Variants in GABRG3 observed in about 807,000 individuals in gnomAD.
The protein encoded by GABRG3 is gamma-aminobutyric acid receptor subunit gamma-3.
GABRG3 carries 25 observed loss-of-function variants against 48.8 expected under a neutral mutation model. That is an observed-to-expected ratio of 0.51 (90% CI 0.37 to 0.72). The LOEUF is 0.72. Ranked by LOEUF, GABRG3 falls within the 30% of genes least tolerant of loss-of-function variation. GABRG3 has a pLI of 0.00. For synonymous variants in GABRG3, 227 were observed against 217.6 expected, an observed-to-expected ratio of 1.04 and a Z score of -0.38; for missense variants, 394 against 577.9, an observed-to-expected ratio of 0.68 and a Z score of 3.26.
intron 2 of GABRG3, among the ~76,000 whole-genome samples, chr15:26,984,071 G>C (rs1895106271): frequency 6.6e-6 from 1 of 152,106 alleles, no homozygotes; most frequent in African/African-American, 2.4e-5. Context: ...CACTGTGGTG[G>C]TGAGTTTCTT....
intron 6 of GABRG3, among the ~76,000 whole-genome samples, chr15:27,494,917 A>G (rs535713369): frequency 6.6e-6 from 1 of 151,964 alleles, no homozygotes; most frequent in East Asian, 1.9e-4. Flanking sequence ...TAAAAGTGGG[A>G]GTTTAGATTA....
intron 3 of GABRG3, among the ~76,000 whole-genome samples, chr15:27,177,594 A>G (rs137883151): frequency 6.6e-6 from 1 of 152,206 alleles, no homozygotes; most frequent in Non-Finnish European, 1.5e-5. Flanking sequence ...AGTTTGGCCT[A>G]TGCTCAGGAA....
intron 3 of GABRG3, among the ~76,000 whole-genome samples, chr15:27,181,992 AATAATATT>A (rs1257269931): frequency 2.7e-5 from 4 of 148,956 alleles, no homozygotes; most frequent in African/African-American, 9.8e-5. Flanking sequence ...TATATAATAT[AATAATATT>A]ATAATAATAT....
chr15:27,070,350 A>C (rs1896807454), intron 3 of GABRG3, among the ~76,000 whole-genome samples: 1 of 152,216 alleles, frequency 6.6e-6, no homozygotes, highest in Non-Finnish European at 1.5e-5. Context: ...ACCATATGCC[A>C]AGTTGAAAAT....
chr15:27,300,362 C>T (rs901512012), intron 3 of GABRG3, among the ~76,000 whole-genome samples: 12 of 151,928 alleles, frequency 7.9e-5, no homozygotes, highest in African/African-American at 2.2e-4. Context: ...AATGAAGGCA[C>T]GTATTTTTAA....
At chr15:27,257,136 G>A (rs1890644774) in intron 3 of GABRG3, among the ~76,000 whole-genome samples, 1 of 151,810 alleles carries the variant, frequency 6.6e-6, no homozygotes, top group South Asian at 2.1e-4. Flanking sequence ...CCTCGTTGTG[G>A]TTTTAATTTG....
chr15:27,493,530 AAT>A (rs970372448), intron 6 of GABRG3, among the ~76,000 whole-genome samples: 10 of 152,178 alleles, frequency 6.6e-5, no homozygotes, highest in Admixed American at 5.9e-4. Flanking sequence ...TAAAAAAAGA[AAT>A]AGAGGAATTA....
At chr15:27,379,153 C>A (rs903104588) in intron 5 of GABRG3, among the ~76,000 whole-genome samples, 1 of 152,174 alleles carries the variant, frequency 6.6e-6, no homozygotes, top group African/African-American at 2.4e-5. Flanking sequence ...CTTTTCTTTT[C>A]TGCCTTTTCT....
rs1002267596 is a variant in GABRG3, at chr15:27,236,524, G to T, written c.271-90285G>T. On this transcript the variant is annotated intron_variant, in intron 3 of 9. Coordinates refer to ENST00000615808, the MANE Select transcript of GABRG3 (RefSeq NM_033223.5). The surrounding 1 kb of genome is among the most constrained non-coding windows in gnomAD (Gnocchi z 4.4). The stretch of plus-strand genomic sequence containing the variant: ...AGCAGAAACCAGCTCTGGAAAACAA[G>T]AAATGAACAACTTATCCCTTTATCG... Among the ~76,000 whole-genome samples the T allele has an allele frequency of 2.0e-5, 3 of 152,186 alleles. No homozygotes were observed. The highest frequency in any genetic ancestry group is 4.4e-5 in the Non-Finnish European group (3 of 68,036).
At chr15:27,504,931 T>G (rs1595797999) in intron 6 of GABRG3, among the ~76,000 whole-genome samples, 1 of 152,340 alleles carries the variant, frequency 6.6e-6, no homozygotes, top group East Asian at 1.9e-4. Flanking sequence ...TCACTTTCCC[T>G]TCATGTTAAT....
At chr15:27,092,382 T>C (rs1897202180) in intron 3 of GABRG3, among the ~76,000 whole-genome samples, 2 of 152,200 alleles carry the variant, frequency 1.3e-5, no homozygotes, top group East Asian at 1.9e-4. Context: ...TTCTCTGTTA[T>C]CCTATTTTTA....
chr15:27,046,089 T>C (rs1896358604), intron 3 of GABRG3, among the ~76,000 whole-genome samples: 1 of 152,064 alleles, frequency 6.6e-6, no homozygotes, highest in Non-Finnish European at 1.5e-5. Context: ...TTCTTTTTCT[T>C]TTTTTTCTTT....
intron 3 of GABRG3, among the ~76,000 whole-genome samples, chr15:27,166,465 C>T (rs1887375168): frequency 6.6e-6 from 1 of 151,914 alleles, no homozygotes; most frequent in African/African-American, 2.4e-5. Flanking sequence ...CTGTCTTCTT[C>T]TTCCAAGCTT....
chr15:27,070,819 T>C (rs1264735090), intron 3 of GABRG3, among the ~76,000 whole-genome samples: 1 of 152,174 alleles, frequency 6.6e-6, no homozygotes, highest in Non-Finnish European at 1.5e-5. Flanking sequence ...GATGGTCACA[T>C]CTTATTCTGA....
intron 7 of GABRG3, among the ~76,000 whole-genome samples, chr15:27,524,527 A>G (rs1254283533): frequency 1.3e-5 from 2 of 152,172 alleles, no homozygotes; most frequent in Admixed American, 1.3e-4. Context: ...GCAAAAAATC[A>G]TAATGCTACT....
chr15:27,344,411 G>A (rs1315015789), intron 5 of GABRG3, among the ~76,000 whole-genome samples: 1 of 152,166 alleles, frequency 6.6e-6, no homozygotes, highest in Admixed American at 6.5e-5. Flanking sequence ...TTAGTGTGCA[G>A]GCAAGCTCAT....
At position 27,388,869 on chromosome 15, in the gene GABRG3, G is replaced by C. The variant is rs148207941; in HGVS notation, c.574+59981G>C. Among the ~76,000 whole-genome samples the C allele has an allele frequency of 2.8e-3, 422 of 152,156 alleles. 4 individuals carry two copies. The highest frequency in any genetic ancestry group is 0.02 in the Admixed American group (305 of 15,296). On this transcript the variant is annotated intron_variant, in intron 5 of 9. Coordinates refer to ENST00000615808, the MANE Select transcript of GABRG3 (RefSeq NM_033223.5). ...TAAGAAATGAAGGTGGAGAGAGGAA[G>C]AGAGAGAGACAGAGAGACAGAGAGA...
chr15:27,307,191 ATAT>A (rs1318088239), intron 3 of GABRG3, among the ~76,000 whole-genome samples: 1 of 139,000 alleles, frequency 7.2e-6, no homozygotes, highest in African/African-American at 2.5e-5. Flanking sequence ...AAACATGTTT[ATAT>A]TATAATACAA....
intron 3 of GABRG3, among the ~76,000 whole-genome samples, chr15:27,143,659 A>G (rs972625444): frequency 6.6e-6 from 1 of 152,222 alleles, no homozygotes; most frequent in African/African-American, 2.4e-5. Flanking sequence ...TATAGACTTG[A>G]AAAGTGACTA....
Sources: allele counts gnomAD v4.1 joint callset (sites outside exome capture counted in the v4.1 genomes callset), GRCh38; gene constraint gnomAD v4.1.1; non-coding constraint Gnocchi (gnomAD v3.1); transcripts MANE v1.5; gene names NCBI Gene and HGNC (gene_info 2026-07-23, HGNC 2026-07-21).